The following TRAPPC8 variants were observed in gnomAD, a reference collection of about 807,000 sequenced individuals.
The protein encoded by TRAPPC8 is trafficking protein particle complex subunit 8.
In TRAPPC8, 54 loss-of-function variants were observed where a neutral mutation model predicts 174.3. The observed-to-expected ratio is 0.31, with a 90% CI of 0.25 to 0.39. TRAPPC8 has a LOEUF of 0.39. Ranked by LOEUF, TRAPPC8 falls within the 10% of genes least tolerant of loss-of-function variation. The pLI, the probability that TRAPPC8 is intolerant of heterozygous loss-of-function variation, is 1.00. For synonymous variants in TRAPPC8, 630 were observed against 579.9 expected, an observed-to-expected ratio of 1.09 and a Z score of -1.24; for missense variants, 1,531 against 1,699.1, an observed-to-expected ratio of 0.90 and a Z score of 1.74.
In TRAPPC8 at chr18:31,859,126, A is replaced by G. The variant is rs1351914067; in HGVS notation, c.2746-1144T>C. On this transcript the variant is annotated intron_variant, in intron 19 of 28. Coordinates refer to ENST00000283351, the MANE Select transcript of TRAPPC8 (RefSeq NM_014939.5). ...AACAAACAAACAAACAAAAAAACAG[A>G]TATTTAAATGTCACAACTAACATCT... Among the ~76,000 whole-genome samples, 5 of 152,030 alleles carry G rather than the reference A, an allele frequency of 3.3e-5. No individual in the cohort carries two copies. In the South Asian group the frequency reaches 8.3e-4, roughly 25 times the overall value.
chr18:31,858,973 G>T (rs2034180737), intron 19 of TRAPPC8, among the ~76,000 whole-genome samples: 1 of 152,054 alleles, frequency 6.6e-6, no homozygotes. Context: ...CACGCCTGTG[G>T]TTCCAGCTAC....
chr18:31,854,477 G>C (rs1402680455), intron 21 of TRAPPC8, among the ~76,000 whole-genome samples: 1 of 151,976 alleles, frequency 6.6e-6, no homozygotes, highest in Non-Finnish European at 1.5e-5. Context: ...TAAAAATATT[G>C]ATTTTTGGGG....
Position 31,857,739 on chromosome 18 carries a change from A to T in TRAPPC8, c.2989T>A (p.Ser997Thr). 1 of 1,614,166 alleles carries T rather than the reference A, an allele frequency of 6.2e-7. No individual in the cohort carries two copies. Among genetic ancestry groups the T allele is most frequent in the Non-Finnish European group, 8.5e-7 (1 of 1,180,020 alleles). Residue 997 changes from serine (S) to threonine (T), a missense_variant, in exon 20 of 29, where the codon TCA (serine) becomes ACA (threonine). By Grantham distance (58) the Ser-to-Thr change is moderately conservative (BLOSUM62 1). Coordinates refer to ENST00000283351, the MANE Select transcript of TRAPPC8 (RefSeq NM_014939.5). ...DATSVCTALI[S>T]SASSVDFGIG... is the part of the protein sequence containing the mutation. ...CCAAAGTCTACAGAAGAAGCTGATG[A>T]TATGAGTGCTGTACACACAGAGGTA...
chr18:31,831,109 T>C (rs1461073184), intron 28 of TRAPPC8, 120 bp from the exon 29 acceptor site: 2 of 752,770 alleles, frequency 2.7e-6, no homozygotes, highest in Non-Finnish European at 4.3e-6. Context: ...TCCCAGCACT[T>C]TGGGAGGCTG....
chr18:31,912,935 C>G (rs1488092125), intron 5 of TRAPPC8, among the ~76,000 whole-genome samples: 2 of 152,084 alleles, frequency 1.3e-5, no homozygotes, highest in African/African-American at 4.8e-5. Flanking sequence ...CAAGACTAGC[C>G]TGGCCAATAT....
chr18:31,868,293 T>C (rs2034682393), intron 16 of TRAPPC8, among the ~76,000 whole-genome samples: 1 of 152,222 alleles, frequency 6.6e-6, no homozygotes, highest in Non-Finnish European at 1.5e-5. Context: ...TTCAGCATCT[T>C]AGTCCATCAC....
chr18:31,889,683 T>C (rs1034434965), intron 12 of TRAPPC8, among the ~76,000 whole-genome samples: 5 of 152,210 alleles, frequency 3.3e-5, no homozygotes, highest in African/African-American at 1.2e-4. Flanking sequence ...TATCAATTAT[T>C]ATAAAGACGT....
chr18:31,880,115 ATATATAT>A (rs1427968055), intron 12 of TRAPPC8, among the ~76,000 whole-genome samples: 2,110 of 92,638 alleles, frequency 0.023, 45 homozygotes, highest in Middle Eastern at 0.038. Context: ...ATATATATAT[ATATATAT>A]TTTTTTTTTT....
intron 19 of TRAPPC8, among the ~76,000 whole-genome samples, chr18:31,859,952 G>A (rs2034239409): frequency 6.6e-6 from 1 of 151,582 alleles, no homozygotes; most frequent in Non-Finnish European, 1.5e-5. Flanking sequence ...GGAGGCAGAG[G>A]TTGCAGTGAG....
chr18:31,877,244 T>C (rs1555667739), intron 12 of TRAPPC8, among the ~76,000 whole-genome samples: 1 of 152,154 alleles, frequency 6.6e-6, no homozygotes, highest in Non-Finnish European at 1.5e-5. Context: ...GGAGAGGTTC[T>C]CCCTGCTGGG....
intron 24 of TRAPPC8, among the ~76,000 whole-genome samples, chr18:31,849,957 CT>C (rs202004944): frequency 3.7e-3 from 530 of 144,812 alleles, no homozygotes; most frequent in South Asian, 5.0e-3. Flanking sequence ...TACCCTAAAT[CT>C]TTTTTTTTTT....
rs754058448 is a variant in TRAPPC8 at position 31,916,309 on chromosome 18, C to A, written c.580G>T (p.Val194Leu). 1 of 1,601,520 alleles carries A rather than the reference C, an allele frequency of 6.2e-7. No individual in the cohort carries two copies. The highest frequency in any genetic ancestry group is 1.1e-5 in the South Asian group (1 of 88,214). Reference protein sequence around the residue: ...WFIPNTLKYYVLLHDVSAGDE... With the variant: ...WFIPNTLKYYLLLHDVSAGDE... ...CCTGCACTTACATCATGTAAAAGTA[C>A]ATAGTATTTAAGTGTATTTGGTATA... Residue 194 changes from valine to leucine, a missense_variant, in exon 4 of 29, where the codon GTA becomes TTA. Val to Leu is a conservative substitution (Grantham distance 32). Transcript: ENST00000283351.
At chr18:31,919,594 T>TAAATAA (rs1335259733) in intron 2 of TRAPPC8, among the ~76,000 whole-genome samples, 1 of 60,680 alleles carries the variant, frequency 1.6e-5, no homozygotes, top group Non-Finnish European at 3.9e-5. Context: ...ATAAATAAAA[T>TAAATAA]AATAATAATC....
At chr18:31,860,206 T>C (rs1408173771) in intron 19 of TRAPPC8, among the ~76,000 whole-genome samples, 1 of 152,186 alleles carries the variant, frequency 6.6e-6, no homozygotes, top group Non-Finnish European at 1.5e-5. Flanking sequence ...CTTAGGATTA[T>C]TCATTGTGGC....
At position 31,829,284 on chromosome 18, in the gene TRAPPC8, C is replaced by T. The variant is rs573114611; in HGVS notation, c.*1471G>A. 2.0e-5 allele frequency: 3 copies of T among 152,252 alleles called. No individual in the cohort carries two copies. Among genetic ancestry groups the T allele is most frequent in the South Asian group, 4.2e-4 (2 of 4,814 alleles). The allele number at this position is 152,252 out of a possible 1,614,324, so 9.4% of individuals were successfully genotyped here. On this transcript the variant is annotated 3_prime_UTR_variant, in exon 29 of 29. Transcript: ENST00000283351. ...TTTTTATTAGTGTCTGTTTAACAAT[C>T]GGTTCAATTTAATATTCAGCTGAGT... is the stretch of plus-strand genomic sequence containing the variant.
chr18:31,920,688 C>A (rs1291497549), intron 2 of TRAPPC8, among the ~76,000 whole-genome samples: 1 of 151,930 alleles, frequency 6.6e-6, no homozygotes, highest in Non-Finnish European at 1.5e-5. Flanking sequence ...ACCTGTAATC[C>A]CAACACTTTG....
At chr18:31,891,657 A>G (rs2035959043) in intron 11 of TRAPPC8, among the ~76,000 whole-genome samples, 1 of 152,138 alleles carries the variant, frequency 6.6e-6, no homozygotes. Flanking sequence ...ATTTTCACCA[A>G]AACTTTCTCC....
At chr18:31,884,169 A>G (rs1043757628) in intron 12 of TRAPPC8, among the ~76,000 whole-genome samples, 1 of 152,242 alleles carries the variant, frequency 6.6e-6, no homozygotes. Flanking sequence ...AGCCTGGGCA[A>G]AAGAGTGAAA....
At chr18:31,923,527 A>G (rs1481998304) in intron 2 of TRAPPC8, among the ~76,000 whole-genome samples, 21 of 152,226 alleles carry the variant, frequency 1.4e-4, no homozygotes, top group Admixed American at 1.4e-3. Flanking sequence ...GCTGACTCAC[A>G]TTAATGGTGA....
Sources: gnomAD v4.1 joint callset for allele counts (sites outside exome capture counted in the v4.1 genomes callset) on GRCh38, gnomAD v4.1.1 for gene constraint, MANE v1.5 for transcripts, NCBI Gene and HGNC (gene_info 2026-07-23, HGNC 2026-07-21) for gene names.